PACRGL: variants seen among roughly 807,000 people sequenced by gnomAD.
PACRGL encodes the protein PACRG-like protein.
PACRGL carries 38 observed loss-of-function variants against 34.5 expected under a neutral mutation model. That is an observed-to-expected ratio of 1.10 (90% CI 0.85 to 1.44). The LOEUF is 1.44. Among genes scored for constraint, PACRGL ranks in the 40% most tolerant of loss-of-function variants. PACRGL has a pLI of 0.00. For synonymous variants in PACRGL, 128 were observed against 100.1 expected, an observed-to-expected ratio of 1.28 and a Z score of -1.66; for missense variants, 305 against 281.4, an observed-to-expected ratio of 1.08 and a Z score of -0.60.
chr4:20,744,384 A>C (rs188722486), intron 8 of PACRGL, among the ~76,000 whole-genome samples: 185 of 152,302 alleles, frequency 1.2e-3, no homozygotes, highest in African/African-American at 3.9e-3. Flanking sequence ...GATAGACTGG[A>C]TTAAGAAAAT....
downstream of PACRGL, among the ~76,000 whole-genome samples, chr4:20,733,224 G>T (rs768839494): frequency 2.0e-5 from 3 of 152,126 alleles, no homozygotes; most frequent in Non-Finnish European, 4.4e-5. Context: ...AAATTAATTG[G>T]TAAGTCTTAA....
chr4:20,745,502 G>A (rs1413601773), intron 8 of PACRGL, among the ~76,000 whole-genome samples: 1 of 152,182 alleles, frequency 6.6e-6, no homozygotes, highest in African/African-American at 2.4e-5. Flanking sequence ...TGTAATTGAA[G>A]TCTCAAGTAG....
chr4:20,734,821 A>C, downstream of PACRGL: 1 of 678,582 alleles, frequency 1.5e-6, no homozygotes, highest in Admixed American at 2.9e-5. Context: ...AAGGGCTACA[A>C]CCCTCTGGAT....
chr4:20,743,923 A>G (rs1448790683), intron 8 of PACRGL, among the ~76,000 whole-genome samples: 1 of 150,876 alleles, frequency 6.6e-6, no homozygotes, highest in African/African-American at 2.5e-5. Context: ...TTTACAAGAA[A>G]AAAAAAAACC....
chr4:20,716,310 C>G (rs1578230048), intron 7 of PACRGL: 3 of 584,052 alleles, frequency 5.1e-6, no homozygotes, highest in Non-Finnish European at 6.0e-6. Flanking sequence ...GTTTTCTTCT[C>G]CTAGTGAAGT....
chr4:20,760,626 T>G, the PACRGL span, among the ~76,000 whole-genome samples: 1 of 152,252 alleles, frequency 6.6e-6, no homozygotes, highest in East Asian at 1.9e-4. Context: ...AATGATGAGC[T>G]TAGGTAGGCA....
At chr4:20,709,346 ATGTTT>A (rs753737949) in intron 4 of PACRGL, among the ~76,000 whole-genome samples, 69 of 152,202 alleles carry the variant, frequency 4.5e-4, no homozygotes, top group Non-Finnish European at 9.3e-4. Flanking sequence ...AATAATTACT[ATGTTT>A]TGTTTGCATT....
chr4:20,719,597 C>A (rs1236692075), intron 7 of PACRGL, among the ~76,000 whole-genome samples: 1 of 152,238 alleles, frequency 6.6e-6, no homozygotes, highest in African/African-American at 2.4e-5. Flanking sequence ...ATCCAGCAGT[C>A]ATTCCGGAGC....
intron 8 of PACRGL, among the ~76,000 whole-genome samples, chr4:20,748,179 G>A (rs1330868428): frequency 2.0e-5 from 3 of 152,110 alleles, no homozygotes; most frequent in African/African-American, 7.2e-5. Context: ...TCCTGCCTAA[G>A]ACATGTCAAC....
the PACRGL span, among the ~76,000 whole-genome samples, chr4:20,759,860 T>A: frequency 6.6e-6 from 1 of 152,094 alleles, no homozygotes; most frequent in Non-Finnish European, 1.5e-5. Flanking sequence ...ATGTGAGATA[T>A]TAACTGTATG....
At chr4:20,739,907 A>G (rs1750638897) in intron 8 of PACRGL, among the ~76,000 whole-genome samples, 1 of 152,212 alleles carries the variant, frequency 6.6e-6, no homozygotes, top group South Asian at 2.1e-4. Flanking sequence ...AAATGACCTG[A>G]CGGAGCTGAA....
chr4:20,712,570 G>A (rs1030864121), intron 5 of PACRGL: 11 of 366,166 alleles, frequency 3.0e-5, no homozygotes, highest in Non-Finnish European at 5.3e-5. Context: ...ATCCATTGGA[G>A]GGGGGGCCCT....
In PACRGL at chr4:20,727,519, A is replaced by G. The variant is rs1746277111; in HGVS notation, c.*178A>G. 3.9e-6 allele frequency: 2 copies of G among 517,102 alleles called. No individual in the cohort carries two copies. Among genetic ancestry groups the G allele is most frequent in the Non-Finnish European group, 6.9e-6 (2 of 290,320 alleles). The allele number at this position is 517,102 out of a possible 1,614,324, so 32.0% of individuals were successfully genotyped here. The stretch of plus-strand genomic sequence containing the variant: ...AACAAAAAAGAACAGTTACTAATGG[A>G]AAGTTATTAAAATAAGTTCTATAAG... On this transcript the variant is annotated 3_prime_UTR_variant, in exon 9 of 9. Coordinates refer to ENST00000503585, the MANE Select transcript of PACRGL (RefSeq NM_001258345.3).
chr4:20,704,980 A>G (rs570804474), intron 3 of PACRGL, among the ~76,000 whole-genome samples, 166 bp downstream of exon 3: 1 of 152,306 alleles, frequency 6.6e-6, no homozygotes, highest in East Asian at 1.9e-4. Flanking sequence ...AATCAGTCAC[A>G]TGTGGGAGTG....
chr4:20,717,456 T>G (rs1740677087), intron 7 of PACRGL, among the ~76,000 whole-genome samples: 1 of 152,234 alleles, frequency 6.6e-6, no homozygotes, highest in Admixed American at 6.5e-5. Flanking sequence ...TTAGGGTTTT[T>G]ATGGTTTTAG....
At chr4:20,716,901 A>G (rs1179021867) in intron 7 of PACRGL, among the ~76,000 whole-genome samples, 1 of 152,208 alleles carries the variant, frequency 6.6e-6, no homozygotes, top group Non-Finnish European at 1.5e-5. Context: ...TCCTTGAGGA[A>G]TCGCCACACT....
At chr4:20,765,233 C>G in the PACRGL span, among the ~76,000 whole-genome samples, 12 of 152,240 alleles carry the variant, frequency 7.9e-5, no homozygotes, top group East Asian at 2.3e-3. Flanking sequence ...AACTCTGACT[C>G]CATGAATTGC....
rs1746905586 is a variant in PACRGL at position 20,728,926 on chromosome 4, AAAT to A, written c.*1589_*1591del. 2 of 143,906 alleles carry A rather than the reference AAAT, an allele frequency of 1.4e-5. No individual in the cohort carries two copies. Among genetic ancestry groups the A allele is most frequent in the Non-Finnish European group, 3.1e-5 (2 of 65,136 alleles). 8.9% of individuals were successfully genotyped at this position (143,906 alleles called of 1,614,324 possible). A position where few individuals can be genotyped will look rare whatever the true frequency, so the allele number is the denominator to read the frequency against. ...TTACAGTTTTGGCTAAGATGATTAA[AAAT>A]AATCTGAATTATGATGAGCTAAATC... On this transcript the variant is annotated 3_prime_UTR_variant, in exon 9 of 9. Transcript: ENST00000503585.
Position 20,728,647 on chromosome 4 carries a change from T to TGAAATACAAAATGTGCACA in PACRGL, c.*1307_*1325dup, listed in dbSNP as rs1466825101. ...TTATTTTGCTTTTATTTTTTCTTTT[T>TGAAATACAAAATGTGCACA]GAAATACAAAATGTGCACATTGAGT... is the stretch of plus-strand genomic sequence containing the variant. On this transcript the variant is annotated 3_prime_UTR_variant, in exon 9 of 9. Coordinates refer to ENST00000503585, the MANE Select transcript of PACRGL (RefSeq NM_001258345.3). 6.6e-6 allele frequency: 1 copy of TGAAATACAAAATGTGCACA among 152,622 alleles called. No individual in the cohort carries two copies. The highest frequency in any genetic ancestry group is 1.5e-5 in the Non-Finnish European group (1 of 68,026). The allele number at this position is 152,622 out of a possible 1,614,324, so 9.5% of individuals were successfully genotyped here. A position where few individuals can be genotyped will look rare whatever the true frequency, so the allele number is the denominator to read the frequency against.
Sources: allele counts gnomAD v4.1 joint callset (sites outside exome capture counted in the v4.1 genomes callset), GRCh38; gene constraint gnomAD v4.1.1; transcripts MANE v1.5; gene names NCBI Gene and HGNC (gene_info 2026-07-23, HGNC 2026-07-21).